PDE1A: variants seen among roughly 807,000 people sequenced by gnomAD.
PDE1A encodes dual specificity calcium/calmodulin-dependent 3',5'-cyclic nucleotide phosphodiesterase 1A.
In PDE1A, 35 loss-of-function variants were observed where a neutral mutation model predicts 61.7. The ratio of observed to expected loss-of-function variants is 0.57; its 90% CI spans 0.43 to 0.75. The LOEUF is 0.75. Among genes scored for constraint, PDE1A ranks in the 30% least tolerant of loss-of-function variants. The pLI is 0.00. For missense variants in PDE1A, 597 were observed against 630.6 expected (o/e 0.95, Z 0.57); for synonymous variants, 232 against 213.2 (o/e 1.09, Z -0.77).
rs6433963 is a variant in PDE1A at position 182,245,922 on chromosome 2, G to A, written c.168-5630C>T. 5.6e-3 allele frequency among the ~76,000 whole-genome samples: 859 copies of A among 152,174 alleles called. 5 individuals carry two copies. The highest frequency in any genetic ancestry group is 0.019 in the African/African-American group (792 of 41,508). ...CTAAACTTTCTTGCTATACCATTTT[G>A]TATTCCCACCTGTAACGAATGAGCC... is the stretch of plus-strand genomic sequence containing the variant. On this transcript the variant is annotated intron_variant, in intron 2 of 13. Coordinates refer to ENST00000351439, the Ensembl canonical transcript of PDE1A.
At chr2:182,562,162 T>C in the PDE1A span, among the ~76,000 whole-genome samples, 1 of 152,174 alleles carries the variant, frequency 6.6e-6, no homozygotes, top group Non-Finnish European at 1.5e-5. Flanking sequence ...CTTCCAGTTT[T>C]TGCCCATTCA....
chr2:182,548,441 C>T, the PDE1A span, among the ~76,000 whole-genome samples: 83 of 152,266 alleles, frequency 5.5e-4, no homozygotes, highest in African/African-American at 1.9e-3. Flanking sequence ...ATTTGGAAGG[C>T]AGATTAGGGG....
intron 1 of PDE1A, among the ~76,000 whole-genome samples, chr2:182,402,815 TAAAC>T (rs1349593125): frequency 6.6e-6 from 1 of 152,124 alleles, no homozygotes; most frequent in Non-Finnish European, 1.5e-5. Context: ...TACAAAAACT[TAAAC>T]AAATTTATAA....
intron 4 of PDE1A, among the ~76,000 whole-genome samples, chr2:182,233,383 G>A (rs755297519): frequency 7.2e-5 from 11 of 152,116 alleles, no homozygotes; most frequent in East Asian, 3.9e-4. Context: ...TAGGGTTTGC[G>A]CTCCTATCAA....
At chr2:182,573,857 T>TTATA in the PDE1A span, among the ~76,000 whole-genome samples, 139 of 144,162 alleles carry the variant, frequency 9.6e-4, 1 homozygote, top group African/African-American at 3.5e-3. Flanking sequence ...ATTTATATAT[T>TTATA]TATATATACA....
the PDE1A span, among the ~76,000 whole-genome samples, chr2:182,591,797 G>A: frequency 6.6e-6 from 1 of 152,202 alleles, no homozygotes; most frequent in Non-Finnish European, 1.5e-5. Context: ...TGGAAATTTA[G>A]TCTCTTTTTA....
chr2:182,469,384 C>T (rs1345093605), intron 2 of PDE1A, among the ~76,000 whole-genome samples: 1 of 151,924 alleles, frequency 6.6e-6, no homozygotes, highest in Admixed American at 6.6e-5. Flanking sequence ...ACCTCATGAA[C>T]CAGCCTCTGC....
chr2:182,475,947 T>C (rs1001919804), intron 2 of PDE1A, among the ~76,000 whole-genome samples: 5 of 151,954 alleles, frequency 3.3e-5, no homozygotes, highest in Non-Finnish European at 7.4e-5. Context: ...AGGTAGGATG[T>C]TGATAAAAAA....
At chr2:182,449,425 T>C (rs556369791) in intron 2 of PDE1A, among the ~76,000 whole-genome samples, 26 of 151,898 alleles carry the variant, frequency 1.7e-4, no homozygotes, top group Non-Finnish European at 3.1e-4. Flanking sequence ...TCATTCTGTA[T>C]CATGAATAGT....
chr2:182,366,365 G>C (rs193042669), intron 1 of PDE1A, among the ~76,000 whole-genome samples: 2 of 151,928 alleles, frequency 1.3e-5, no homozygotes, highest in East Asian at 3.9e-4. Flanking sequence ...TACCTTTATG[G>C]GTGAGGTGAC....
chr2:182,413,244 T>C (rs965424857), intron 1 of PDE1A, among the ~76,000 whole-genome samples: 1 of 151,982 alleles, frequency 6.6e-6, no homozygotes, highest in Admixed American at 6.6e-5. Flanking sequence ...CCATGGCAAA[T>C]TACAAATGAA....
the PDE1A span, among the ~76,000 whole-genome samples, chr2:182,532,128 A>G: frequency 6.6e-6 from 1 of 152,234 alleles, no homozygotes; most frequent in African/African-American, 2.4e-5. Context: ...AATTTTTTTA[A>G]AGGATACAAA....
At chr2:182,369,244 T>A (rs1700002112) in intron 1 of PDE1A, among the ~76,000 whole-genome samples, 1 of 152,200 alleles carries the variant, frequency 6.6e-6, no homozygotes. Context: ...GTGACTCCCT[T>A]TCCTCTTTTC....
intron 2 of PDE1A, among the ~76,000 whole-genome samples, chr2:182,483,008 G>T (rs1687798828): frequency 6.6e-6 from 1 of 151,924 alleles, no homozygotes; most frequent in African/African-American, 2.4e-5. Flanking sequence ...AAGCTATACT[G>T]TATAACCATC....
intron 1 of PDE1A, among the ~76,000 whole-genome samples, chr2:182,350,938 C>T (rs1236464018): frequency 1.3e-5 from 2 of 152,182 alleles, no homozygotes. Flanking sequence ...CAAAGAAAGG[C>T]TCTAGTTGTT....
chr2:182,172,964 G>C (rs1692376261), intron 13 of PDE1A, among the ~76,000 whole-genome samples: 1 of 152,126 alleles, frequency 6.6e-6, no homozygotes, highest in East Asian at 1.9e-4. Context: ...GGGTACAACA[G>C]TATGAACCAA....
chr2:182,343,275 G>A (rs1698313639), intron 1 of PDE1A, among the ~76,000 whole-genome samples: 1 of 152,130 alleles, frequency 6.6e-6, no homozygotes, highest in Non-Finnish European at 1.5e-5. Context: ...AAGCAGGCAG[G>A]TCTAATTCCT....
chr2:182,525,774 G>T (rs1690767359), upstream of PDE1A, among the ~76,000 whole-genome samples: 1 of 152,054 alleles, frequency 6.6e-6, no homozygotes, highest in African/African-American at 2.4e-5. Context: ...GTAACAAATG[G>T]TAAAGAAAAT....
chr2:182,233,345 G>A (rs973715258), intron 4 of PDE1A, among the ~76,000 whole-genome samples: 1 of 152,026 alleles, frequency 6.6e-6, no homozygotes, highest in Admixed American at 6.6e-5. Context: ...CATCAGCAGT[G>A]CACAACCCTC....
Sources: allele counts gnomAD v4.1 joint callset (sites outside exome capture counted in the v4.1 genomes callset), GRCh38; gene constraint gnomAD v4.1.1; transcripts MANE v1.5; gene names NCBI Gene and HGNC (gene_info 2026-07-23, HGNC 2026-07-21).